Variants in MACROD2 observed in about 807,000 individuals in gnomAD.
MACROD2 encodes mono-ADP ribosylhydrolase 2, also known as ADP-ribose glycohydrolase MACROD2.
A neutral mutation model predicts 70.4 loss-of-function variants in MACROD2; 36 were observed. The observed-to-expected ratio is 0.51, with a 90% confidence interval of 0.39 to 0.68. The LOEUF (loss-of-function observed/expected upper bound fraction) is 0.68. Ranked by LOEUF, MACROD2 falls within the 30% of genes least tolerant of loss-of-function variation. The probability of loss-of-function intolerance (pLI) is 0.00; values close to 1 mark genes in which losing one functional copy is unlikely to be tolerated. For synonymous variants in MACROD2, 172 were observed against 178.8 expected, an observed-to-expected ratio of 0.96 and a Z score of 0.30; for missense variants, 496 against 538.4, an observed-to-expected ratio of 0.92 and a Z score of 0.78.
intron 3 of MACROD2, among the ~76,000 whole-genome samples, chr20:14,213,274 T>C (rs1433928598): frequency 1.5e-5 from 2 of 134,484 alleles, no homozygotes; most frequent in African/African-American, 5.6e-5. Context: ...TTTAAGAAAA[T>C]GGTAAGGTTA....
chr20:15,277,231 C>T (rs1003672300), intron 6 of MACROD2, among the ~76,000 whole-genome samples: 14 of 152,166 alleles, frequency 9.2e-5, no homozygotes, highest in Non-Finnish European at 1.3e-4. Flanking sequence ...CAGTTTCTTC[C>T]TATATGATTC....
chr20:14,793,731 G>A (rs894109965), intron 5 of MACROD2, among the ~76,000 whole-genome samples: 2 of 152,016 alleles, frequency 1.3e-5, no homozygotes, highest in Non-Finnish European at 2.9e-5. Flanking sequence ...CCACCCAGCT[G>A]GGGCTGATAA....
At chr20:15,457,055 CTTTTT>C (rs67567968) in intron 7 of MACROD2, among the ~76,000 whole-genome samples, 1,714 of 132,172 alleles carry the variant, frequency 0.013, 15 homozygotes, top group African/African-American at 0.021. Context: ...TTCCTTTCTT[CTTTTT>C]TTTTTTTTTT....
chr20:14,863,791 G>C (rs879308968), intron 5 of MACROD2, among the ~76,000 whole-genome samples: 6 of 152,014 alleles, frequency 3.9e-5, no homozygotes, highest in Non-Finnish European at 7.4e-5. Context: ...AAAAAACAAA[G>C]GCTGTAAGAG....
At chr20:14,948,366 C>T (rs1215737230) in intron 5 of MACROD2, among the ~76,000 whole-genome samples, 1 of 152,216 alleles carries the variant, frequency 6.6e-6, no homozygotes, top group Non-Finnish European at 1.5e-5. Context: ...AAATCCTTAA[C>T]TAGCTGTGGA....
chr20:14,141,747 GAAAAAAAAAAAAA>G (rs3043659), intron 3 of MACROD2, among the ~76,000 whole-genome samples: 2 of 66,830 alleles, frequency 3.0e-5, no homozygotes, highest in Non-Finnish European at 5.1e-5. Flanking sequence ...CTCCATCTCA[GAAAAAAAAAAAAA>G]AAAAAAAAAA....
intron 8 of MACROD2, among the ~76,000 whole-genome samples, chr20:15,689,033 A>G (rs2050264324): frequency 6.6e-6 from 1 of 152,198 alleles, no homozygotes; most frequent in Non-Finnish European, 1.5e-5. Context: ...GCCGGGCGTG[A>G]TGGCTCACGC....
At chr20:14,756,174 C>T (rs540711082) in intron 5 of MACROD2, among the ~76,000 whole-genome samples, 38 of 152,160 alleles carry the variant, frequency 2.5e-4, no homozygotes, top group Admixed American at 8.5e-4. Flanking sequence ...TACTAAACTC[C>T]GTGGCTTCCA....
chr20:15,281,810 T>C (rs192753529), intron 6 of MACROD2, among the ~76,000 whole-genome samples: 62 of 152,346 alleles, frequency 4.1e-4, no homozygotes, highest in Middle Eastern at 3.4e-3. Context: ...CATTAGACAG[T>C]GCCCCAGTGG....
At chr20:15,755,026 T>C (rs568188082) in intron 8 of MACROD2, among the ~76,000 whole-genome samples, 7 of 152,190 alleles carry the variant, frequency 4.6e-5, no homozygotes, top group Admixed American at 4.6e-4. Flanking sequence ...AGCCAGCTAA[T>C]TTTTGTATTT....
rs2082943795 is a variant in MACROD2, at chr20:14,336,714, T to G, written c.272-156765T>G. Among the ~76,000 whole-genome samples, 2 of 152,228 alleles carry G rather than the reference T, an allele frequency of 1.3e-5. 1 individual carries two copies. Among genetic ancestry groups the G allele is most frequent in the South Asian group, 4.1e-4 (2 of 4,834 alleles). ...TTAGCCATTTACTATGCTAGTCACATACTTCACTTGCCTAAGCAATGGATT... is the reference window on the plus strand; with the variant it reads ...TTAGCCATTTACTATGCTAGTCACAGACTTCACTTGCCTAAGCAATGGATT... On this transcript the variant is annotated intron_variant, in intron 3 of 17. Transcript: ENST00000684519.
At position 15,769,752 on chromosome 20, in the gene MACROD2, A is replaced by G. The variant is rs149760591; in HGVS notation, c.646-92993A>G. Among the ~76,000 whole-genome samples the G allele has an allele frequency of 7.0e-4, 106 of 152,328 alleles. 1 individual carries two copies. The East Asian group carries it at 0.015, about 22-fold the overall frequency. ...ATATATCCTTAAAGTTATTATGAAA[A>G]CTAACACTGAATCTCCATATTTACT... On this transcript the variant is annotated intron_variant, in intron 8 of 17. Coordinates refer to ENST00000684519, the MANE Select transcript of MACROD2 (RefSeq NM_001351661.2).
intron 8 of MACROD2, among the ~76,000 whole-genome samples, chr20:15,736,860 C>G (rs144307280): frequency 6.6e-6 from 1 of 152,092 alleles, no homozygotes; most frequent in Non-Finnish European, 1.5e-5. Context: ...GAACCACTCT[C>G]CCATTGATAT....
chr20:14,822,679 A>G (rs2072860028), intron 5 of MACROD2, among the ~76,000 whole-genome samples: 1 of 152,122 alleles, frequency 6.6e-6, no homozygotes, highest in African/African-American at 2.4e-5. Flanking sequence ...TTGAGATTTC[A>G]GTTATAAAAC....
intron 3 of MACROD2, among the ~76,000 whole-genome samples, chr20:14,294,284 T>C (rs1181749998): frequency 6.6e-6 from 1 of 150,800 alleles, no homozygotes; most frequent in Non-Finnish European, 1.5e-5. Context: ...GACTAGAGGA[T>C]TGAATTTCTG....
chr20:14,913,177 T>G (rs542528274), intron 5 of MACROD2, among the ~76,000 whole-genome samples: 1 of 152,258 alleles, frequency 6.6e-6, no homozygotes, highest in South Asian at 2.1e-4. Flanking sequence ...GATCCATGTT[T>G]CAGACAGGAG....
At chr20:14,595,612 C>T (rs921956706) in intron 4 of MACROD2, among the ~76,000 whole-genome samples, 2 of 152,208 alleles carry the variant, frequency 1.3e-5, no homozygotes, top group Non-Finnish European at 2.9e-5. Context: ...GAATTAGTAA[C>T]ATCTTTGTCA....
At chr20:14,364,668 T>G (rs2083255717) in intron 3 of MACROD2, among the ~76,000 whole-genome samples, 1 of 152,198 alleles carries the variant, frequency 6.6e-6, no homozygotes. Context: ...TTCTAAGAAT[T>G]TGCCAGTCAG....
chr20:15,576,103 AT>A (rs538029059), intron 8 of MACROD2, among the ~76,000 whole-genome samples: 35 of 151,862 alleles, frequency 2.3e-4, no homozygotes, highest in South Asian at 1.0e-3. Flanking sequence ...ATTGTTTCCT[AT>A]TTTTTTTAAT....
Sources: gnomAD v4.1 joint callset for allele counts (sites outside exome capture counted in the v4.1 genomes callset) on GRCh38, gnomAD v4.1.1 for gene constraint, MANE v1.5 for transcripts, NCBI Gene and HGNC (gene_info 2026-07-23, HGNC 2026-07-21) for gene names.